ZNRF2: variants seen among roughly 807,000 people sequenced by gnomAD.
ZNRF2 encodes the protein zinc and ring finger 2.
ZNRF2 carries 16 observed loss-of-function variants against 20.4 expected under a neutral mutation model. The ratio of observed to expected loss-of-function variants is 0.79; its 90% CI spans 0.53 to 1.19. The LOEUF is 1.19. Among genes scored for constraint, ZNRF2 ranks in the 50% most tolerant of loss-of-function variants. The pLI is 0.00. For synonymous variants in ZNRF2, 178 were observed against 144.9 expected (o/e 1.23, Z -1.64); for missense variants, 363 against 332.4 (o/e 1.09, Z -0.72).
chr7:30,300,357 C>G (rs565940434), intron 1 of ZNRF2, among the ~76,000 whole-genome samples: 4 of 151,988 alleles, frequency 2.6e-5, no homozygotes, highest in Admixed American at 1.3e-4. Flanking sequence ...CCATGTTGGC[C>G]AGGATGGTCT....
At chr7:30,321,822 G>A (rs1234190502) in intron 1 of ZNRF2, among the ~76,000 whole-genome samples, 1 of 152,048 alleles carries the variant, frequency 6.6e-6, no homozygotes, top group African/African-American at 2.4e-5. Context: ...TCTCCCCATG[G>A]TTGATCAGTT....
At position 30,303,097 on chromosome 7, in the gene ZNRF2, A is replaced by G. The variant is rs187077129; in HGVS notation, c.469+17271A>G. On this transcript the variant is annotated intron_variant, in intron 1 of 4. Coordinates refer to ENST00000323037, the MANE Select transcript of ZNRF2 (RefSeq NM_147128.4). The stretch of plus-strand genomic sequence containing the variant: ...GGAGTTCGAAACCAGCCTGGGCAAC[A>G]TGGAAAAACCCCGTCTCTACCAAAA... 1.1e-4 allele frequency among the ~76,000 whole-genome samples: 17 copies of G among 152,166 alleles called. No individual in the cohort carries two copies. The East Asian group carries it at 1.2e-3, about 10-fold the overall frequency.
intron 1 of ZNRF2, among the ~76,000 whole-genome samples, chr7:30,294,873 G>A (rs1480262585): frequency 6.6e-6 from 1 of 151,934 alleles, no homozygotes; most frequent in Non-Finnish European, 1.5e-5. Context: ...GCATTAAGTG[G>A]AAAAACTGTA....
chr7:30,351,530 G>T lies in ZNRF2; in HGVS notation c.566-4198G>T, dbSNP rs148786127. 6.7e-3 allele frequency among the ~76,000 whole-genome samples: 1,012 copies of T among 152,104 alleles called. 16 individuals are homozygous for T. The highest frequency in any genetic ancestry group is 0.023 in the African/African-American group (973 of 41,534). On this transcript the variant is annotated intron_variant, in intron 2 of 4. Transcript: ENST00000323037. ...AGTACTTCCTCTAAATATGTAGCTT[G>T]AGTATTTAAAACTTAGTTGTTTAAA...
chr7:30,303,204 C>T (rs1222132191), intron 1 of ZNRF2, among the ~76,000 whole-genome samples: 1 of 150,726 alleles, frequency 6.6e-6, no homozygotes, highest in Non-Finnish European at 1.5e-5. Flanking sequence ...GATCACTCAA[C>T]TTGGCTTCAG....
chr7:30,301,841 G>A (rs923256108), intron 1 of ZNRF2, among the ~76,000 whole-genome samples: 2 of 152,124 alleles, frequency 1.3e-5, no homozygotes, highest in Non-Finnish European at 2.9e-5. Context: ...GTAGCCTGGA[G>A]CAGGGTCCTC....
At chr7:30,338,276 AT>A (rs535216493) in intron 2 of ZNRF2, among the ~76,000 whole-genome samples, 2,373 of 136,788 alleles carry the variant, frequency 0.017, 18 homozygotes, top group South Asian at 0.039. Flanking sequence ...TGCTGTGCCC[AT>A]TTTTTTTTTT....
intron 1 of ZNRF2, among the ~76,000 whole-genome samples, chr7:30,298,564 A>C (rs1423884394): frequency 5.3e-5 from 8 of 152,258 alleles, no homozygotes. Context: ...ATCTAGGAGC[A>C]GAGTGAGAAG....
Position 30,285,253 on chromosome 7 carries a change from G to C in ZNRF2, c.-105G>C, listed in dbSNP as rs1233781886. On this transcript the variant is annotated 5_prime_UTR_variant, in exon 1 of 5. Coordinates refer to ENST00000323037, the MANE Select transcript of ZNRF2 (RefSeq NM_147128.4). ...GCCCTGGACGTGCGGGGGCCTCTCT[G>C]GGCCGGCCGCGGCGCCTGGGCCCTG... is the stretch of plus-strand genomic sequence containing the variant. 4.6e-6 allele frequency: 4 copies of C among 865,998 alleles called. No individual in the cohort carries two copies. The highest frequency in any genetic ancestry group is 5.7e-6 in the Non-Finnish European group (4 of 706,672). 53.6% of individuals were successfully genotyped at this position (865,998 alleles called of 1,614,324 possible).
intron 3 of ZNRF2, 62 bp downstream of exon 3, chr7:30,355,895 T>A: frequency 7.7e-7 from 1 of 1,292,558 alleles, no homozygotes; most frequent in Non-Finnish European, 1.1e-6. Flanking sequence ...ACATTGTAAT[T>A]AGGGCTGAAA....
At chr7:30,301,703 A>ATT (rs1562605871) in intron 1 of ZNRF2, among the ~76,000 whole-genome samples, 68 of 127,148 alleles carry the variant, frequency 5.3e-4, no homozygotes, top group African/African-American at 2.8e-3. Context: ...CTTTTTTTAA[A>ATT]AAAAAAAAAA....
chr7:30,348,776 T>A (rs1486863995), intron 2 of ZNRF2, among the ~76,000 whole-genome samples: 1 of 152,192 alleles, frequency 6.6e-6, no homozygotes, highest in East Asian at 1.9e-4. Flanking sequence ...TTCTTTTTTC[T>A]TATAAAATAG....
At chr7:30,306,979 T>C (rs780608207) in intron 1 of ZNRF2, among the ~76,000 whole-genome samples, 1 of 152,144 alleles carries the variant, frequency 6.6e-6, no homozygotes, top group African/African-American at 2.4e-5. Flanking sequence ...TTATCCTTAG[T>C]ATTGATTGGG....
In ZNRF2 at chr7:30,286,963, C is replaced by T. The variant is rs757584886; in HGVS notation, c.469+1137C>T. 2.6e-5 allele frequency among the ~76,000 whole-genome samples: 4 copies of T among 152,194 alleles called. No individual in the cohort carries two copies. The East Asian group carries it at 5.8e-4, about 22-fold the overall frequency. ...AATTTATCCGTTCTCATGTTCTGTA[C>T]TATCAGCACACACGCCAGCATAAAT... is the stretch of plus-strand genomic sequence containing the variant. On this transcript the variant is annotated intron_variant, in intron 1 of 4. Coordinates refer to ENST00000323037, the MANE Select transcript of ZNRF2 (RefSeq NM_147128.4).
intron 2 of ZNRF2, among the ~76,000 whole-genome samples, chr7:30,350,331 G>A (rs1466623074): frequency 6.6e-6 from 1 of 151,922 alleles, no homozygotes; most frequent in Non-Finnish European, 1.5e-5. Flanking sequence ...TCCTCCTAAA[G>A]AATAGTCTTA....
chr7:30,342,194 G>T (rs1799805998), intron 2 of ZNRF2, among the ~76,000 whole-genome samples: 3 of 152,060 alleles, frequency 2.0e-5, no homozygotes, highest in Admixed American at 2.0e-4. Context: ...TTGCCAGTCT[G>T]TGTCTTTTAA....
chr7:30,295,240 C>CA (rs1799000096), intron 1 of ZNRF2, among the ~76,000 whole-genome samples: 1 of 152,042 alleles, frequency 6.6e-6, no homozygotes, highest in African/African-American at 2.4e-5. Flanking sequence ...AGAAAGGACT[C>CA]AGATTAGCTC....
Position 30,284,700 on chromosome 7 carries a change from C to T in ZNRF2, c.-658C>T, listed in dbSNP as rs1798736547. 5.7e-6 allele frequency: 1 copy of T among 174,212 alleles called. No homozygotes were observed. Among genetic ancestry groups the T allele is most frequent in the Non-Finnish European group, 1.3e-5 (1 of 79,684 alleles). The allele number at this position is 174,212 out of a possible 1,614,324, so 10.8% of individuals were successfully genotyped here. A position where few individuals can be genotyped will look rare whatever the true frequency, so the allele number is the denominator to read the frequency against. On this transcript the variant is annotated 5_prime_UTR_variant, in exon 1 of 5. Coordinates refer to ENST00000323037, the MANE Select transcript of ZNRF2 (RefSeq NM_147128.4). ...TCTGCGCACCCCCCGCCTTCGCGGC[C>T]CAGATCCTCCCGCCAGCCCGGCCCC...
intron 1 of ZNRF2, chr7:30,288,863 T>C (rs1798844713): frequency 6.6e-6 from 1 of 152,220 alleles, no homozygotes; most frequent in Admixed American, 6.5e-5. Context: ...TATTTAAAAA[T>C]GTTGATGGTA....
Sources: allele counts gnomAD v4.1 joint callset (sites outside exome capture counted in the v4.1 genomes callset), GRCh38; gene constraint gnomAD v4.1.1; transcripts MANE v1.5; gene names NCBI Gene and HGNC (gene_info 2026-07-23, HGNC 2026-07-21).